The following SATB1 variants were observed in gnomAD, a reference collection of about 807,000 sequenced individuals.
SATB1 encodes SATB homeobox 1.
A neutral mutation model predicts 86.9 loss-of-function variants in SATB1; 11 were observed. That is an observed-to-expected ratio of 0.13 (90% CI 0.08 to 0.21). The LOEUF (loss-of-function observed/expected upper bound fraction) is 0.21. Ranked by LOEUF, SATB1 falls within the 10% of genes least tolerant of loss-of-function variation. The pLI, the probability that SATB1 is intolerant of heterozygous loss-of-function variation, is 1.00. For missense variants in SATB1, 551 were observed against 937.6 expected, an observed-to-expected ratio of 0.59 and a Z score of 5.39; for synonymous variants, 357 against 357.2, an observed-to-expected ratio of 1.00 and a Z score of 0.01.
chr3:18,361,988 T>C (rs1040649919), intron 9 of SATB1, among the ~76,000 whole-genome samples: 3 of 152,170 alleles, frequency 2.0e-5, no homozygotes, highest in Non-Finnish European at 4.4e-5. Context: ...TGCCTATATC[T>C]TCTACTTTTT....
At chr3:18,402,039 A>T (rs1433128407) in intron 5 of SATB1, among the ~76,000 whole-genome samples, 5 of 152,160 alleles carry the variant, frequency 3.3e-5, no homozygotes, top group Admixed American at 6.5e-5. Flanking sequence ...TTGCTCTAAA[A>T]TACTCTAGCT....
In SATB1 at chr3:18,346,804, AGGG is replaced by A. The variant is rs1178525736; in HGVS notation, c.*2363_*2365del. The A allele has an allele frequency of 6.6e-6, 1 of 152,162 alleles. No homozygotes were observed. The highest frequency in any genetic ancestry group is 1.5e-5 in the Non-Finnish European group (1 of 68,008). The allele number at this position is 152,162 out of a possible 1,614,324, so 9.4% of individuals were successfully genotyped here. On this transcript the variant is annotated 3_prime_UTR_variant, in exon 11 of 11. Coordinates refer to ENST00000338745, the MANE Select transcript of SATB1 (RefSeq NM_002971.6). The stretch of plus-strand genomic sequence containing the variant: ...GGAAAGTTATTTGCAACCCAAACTT[AGGG>A]GATATAAGGAAGAGGAAGATAACTT...
intron 9 of SATB1, among the ~76,000 whole-genome samples, chr3:18,362,647 T>G (rs1694958509): frequency 6.6e-6 from 1 of 151,980 alleles, no homozygotes; most frequent in Non-Finnish European, 1.5e-5. Context: ...AAAATTATTA[T>G]TTTCTTTAAA....
At chr3:18,445,371 C>A in intron 1 of SATB1, 1 of 755,198 alleles carries the variant, frequency 1.3e-6, no homozygotes, top group Non-Finnish European at 1.6e-6. Flanking sequence ...GGCGGCGGGC[C>A]GGAGGGGCGA....
chr3:18,383,128 T>C (rs915325912), intron 8 of SATB1, among the ~76,000 whole-genome samples: 11 of 152,180 alleles, frequency 7.2e-5, no homozygotes, highest in African/African-American at 2.4e-4. Flanking sequence ...CCAGAGCCTA[T>C]AGCCCAGGCA....
intron 1 of SATB1, among the ~76,000 whole-genome samples, chr3:18,422,622 G>GATGA (rs1489065169): frequency 2.0e-5 from 3 of 152,164 alleles, no homozygotes; most frequent in African/African-American, 7.2e-5. Flanking sequence ...ATTAGAAAGA[G>GATGA]ATGATTATTA....
chr3:18,445,088 A>C (rs1485345432), intron 1 of SATB1: 7 of 459,252 alleles, frequency 1.5e-5, no homozygotes, highest in Non-Finnish European at 1.4e-5. Context: ...GGCGCTTCGG[A>C]CCGGGCACGC....
intron 2 of SATB1, among the ~76,000 whole-genome samples, chr3:18,433,424 G>A (rs1193877229): frequency 6.6e-6 from 1 of 151,984 alleles, no homozygotes; most frequent in Non-Finnish European, 1.5e-5. Context: ...AATCAGCTCA[G>A]TTACTTTTTT....
chr3:18,406,234 G>C (rs565405215), intron 5 of SATB1, among the ~76,000 whole-genome samples: 1 of 151,936 alleles, frequency 6.6e-6, no homozygotes, highest in Non-Finnish European at 1.5e-5. Context: ...TTAAAACACT[G>C]CATGTTTATA....
intron 1 of SATB1, chr3:18,445,140 G>C (rs1699356617): frequency 8.2e-6 from 7 of 856,824 alleles, no homozygotes; most frequent in Non-Finnish European, 5.6e-6. Flanking sequence ...CCGCCGCTTC[G>C]GAGCTTGTGC....
rs916752252 is a variant in SATB1 at position 18,444,703 on chromosome 3, G to A, written c.-25+815C>T. On this transcript the variant is annotated intron_variant, in intron 1 of 3. Coordinates refer to the SATB1 transcript ENST00000415069. This position sits in a 1 kb window ranked among gnomAD's most constrained non-coding sequence, Gnocchi z 5.1. Reference sequence around the variant, plus strand: ...GGCGCGCCGGCGTCGGACTTCCGAGGCGGCGGCTTCTGCCTCTCCTGCCGC... The same window carrying A: ...GGCGCGCCGGCGTCGGACTTCCGAGACGGCGGCTTCTGCCTCTCCTGCCGC... The A allele has an allele frequency of 1.9e-5, 19 of 976,470 alleles. 1 individual carries two copies. In the African/African-American group the frequency reaches 3.4e-4, roughly 17 times the overall value. 60.5% of individuals were successfully genotyped at this position (976,470 alleles called of 1,614,324 possible). A position where few individuals can be genotyped will look rare whatever the true frequency, so the allele number is the denominator to read the frequency against.
chr3:18,405,240 T>G (rs1305206745), intron 5 of SATB1, among the ~76,000 whole-genome samples: 3 of 152,048 alleles, frequency 2.0e-5, no homozygotes, highest in Admixed American at 2.0e-4. Context: ...AATTGTTTCC[T>G]GATTCTGAAT....
At chr3:18,428,267 A>G (rs1165468090), upstream of SATB1, among the ~76,000 whole-genome samples, 2 of 152,132 alleles carry the variant, frequency 1.3e-5, no homozygotes, top group African/African-American at 4.8e-5. Context: ...ATGCTAGCTC[A>G]GGGCTCTCTT....
intron 2 of SATB1, among the ~76,000 whole-genome samples, chr3:18,419,700 G>A (rs541335856): frequency 2.0e-5 from 3 of 152,264 alleles, no homozygotes; most frequent in African/African-American, 7.2e-5. Flanking sequence ...TTCTTAAGAT[G>A]CATACATTCT....
upstream of SATB1, among the ~76,000 whole-genome samples, chr3:18,439,854 T>A (rs1433496446): frequency 6.6e-6 from 1 of 152,174 alleles, no homozygotes; most frequent in Non-Finnish European, 1.5e-5. Flanking sequence ...AAAGGATTTT[T>A]ATCATAAAAG....
intron 9 of SATB1, among the ~76,000 whole-genome samples, chr3:18,357,413 C>CT (rs1694698984): frequency 1.3e-5 from 2 of 151,774 alleles, no homozygotes; most frequent in African/African-American, 4.8e-5. Flanking sequence ...TTTTCAACAA[C>CT]AACTAACTAT....
At chr3:18,360,034 A>G (rs546230268) in intron 9 of SATB1, among the ~76,000 whole-genome samples, 3 of 152,224 alleles carry the variant, frequency 2.0e-5, no homozygotes, top group African/African-American at 7.2e-5. Context: ...AAAGCTTTTA[A>G]GTAATCATTC....
chr3:18,395,367 T>C (rs1034223421), intron 6 of SATB1, among the ~76,000 whole-genome samples: 1 of 152,214 alleles, frequency 6.6e-6, no homozygotes, highest in Non-Finnish European at 1.5e-5. Flanking sequence ...ATTCTCATGA[T>C]ATTCATTAAC....
At chr3:18,350,175 T>G (rs35039109) in intron 10 of SATB1, 83,237 of 158,758 alleles carry the variant, frequency 0.52, 24,200 homozygotes, top group East Asian at 0.77. Flanking sequence ...GATGAGCTTA[T>G]GCTCTTATTC....
Sources: gnomAD v4.1 joint callset for allele counts (sites outside exome capture counted in the v4.1 genomes callset) on GRCh38, gnomAD v4.1.1 for gene constraint, Gnocchi (gnomAD v3.1) non-coding constraint, MANE v1.5 for transcripts, NCBI Gene and HGNC (gene_info 2026-07-23, HGNC 2026-07-21) for gene names.